HOMER3: variants seen among roughly 807,000 people sequenced by gnomAD.
The protein encoded by HOMER3 is homer scaffold protein 3.
A neutral mutation model predicts 45.5 loss-of-function variants in HOMER3; 34 were observed. The ratio of observed to expected loss-of-function variants is 0.75; its 90% CI spans 0.57 to 1.00. The LOEUF (loss-of-function observed/expected upper bound fraction) is 1.00. HOMER3 is among the 50% of genes least tolerant of loss of function. The pLI is 0.00. For synonymous variants in HOMER3, 223 were observed against 208.8 expected (o/e 1.07, Z -0.58); for missense variants, 480 against 497.5 (o/e 0.96, Z 0.33).
rs773332255 is a variant in HOMER3 at position 18,934,423 on chromosome 19, G to T, written c.304-13C>A. 7.8e-6 allele frequency: 12 copies of T among 1,542,542 alleles called. No homozygotes were observed. The South Asian group carries it at 1.2e-4, about 16-fold the overall frequency. On this transcript the variant is annotated splice_polypyrimidine_tract_variant and intron_variant, in intron 4 of 9. Transcript: ENST00000392351. ...ACTTCTCGGCAAACTAAGGGAGTGG[G>T]GAGGAAAAGACAGTAAAACCCCAGC...
At position 18,931,993 on chromosome 19, in the gene HOMER3, C is replaced by G; in HGVS notation, c.673G>C (p.Glu225Gln). 13 of 1,541,552 alleles carry G rather than the reference C, an allele frequency of 8.4e-6. No homozygotes were observed. The highest frequency in any genetic ancestry group is 1.1e-5 in the Non-Finnish European group (13 of 1,143,744). The change falls in exon 7 of 10, where the codon GAG becomes CAG. Residue 225 changes from glutamate to glutamine, a missense_variant. By Grantham distance (29) the Glu-to-Gln change is conservative. Transcript: ENST00000392351. The stretch of plus-strand genomic sequence containing the variant: ...GCCCTCACCCGCTGCCGCAGCCGCT[C>G]GGCCTCTGCACGCTGAGCCTCCAGC... ...QQLEAQRAEA[E>Q]RLRQRVAELE... is the part of the protein sequence containing the mutation.
At chr19:18,940,839 GAA>G (rs1025176636) in intron 1 of HOMER3, 4 of 146,984 alleles carry the variant, frequency 2.7e-5, no homozygotes, top group Non-Finnish European at 6.0e-5. Flanking sequence ...GCCGGGTCCA[GAA>G]CTTTGGGAAC....
chr19:18,932,885 A>AACCCCCCCCCCCC, intron 6 of HOMER3, 39 bp downstream of exon 6: 8 of 687,528 alleles, frequency 1.2e-5, no homozygotes, highest in Admixed American at 4.6e-5. Context: ...CCCCACCCCT[A>AACCCCCCCCCCCC]CCCCCGCCCC....
rs2057123625 is a variant in HOMER3 at position 18,938,830 on chromosome 19, G to A, written c.69C>T (p.Thr23=). ...RAHVFQIDPA[T]KRNWIPAGKH... is the part of the protein sequence containing the mutation. ...TGCCCGCTGGGATCCAGTTTCGCTT[G>A]GTGGCTGGGTCAATTTGGAACACGT... is the stretch of plus-strand genomic sequence containing the variant. The change falls in exon 3 of 10, where the codon ACC becomes ACT. Residue 23 remains threonine (T), a synonymous_variant. Transcript: ENST00000392351. 2.5e-6 allele frequency: 4 copies of A among 1,601,434 alleles called. No individual in the cohort carries two copies. The highest frequency in any genetic ancestry group is 3.4e-6 in the Non-Finnish European group (4 of 1,174,266).
rs1254560477 is a variant in HOMER3 at position 18,933,025 on chromosome 19, G to A, written c.432C>T (p.Val144=). The A allele has an allele frequency of 1.3e-6, 2 of 1,490,728 alleles. No individual in the cohort carries two copies. Among genetic ancestry groups the A allele is most frequent in the Non-Finnish European group, 1.8e-6 (2 of 1,125,336 alleles). 92.3% of individuals were successfully genotyped at this position (1,490,728 alleles called of 1,614,324 possible). A position where few individuals can be genotyped will look rare whatever the true frequency, so the allele number is the denominator to read the frequency against. The change falls in exon 6 of 10, where the codon GTC becomes GTT. Residue 144 remains valine, a synonymous_variant. Transcript: ENST00000392351. ...TTTCCTCGCCGGGGCCGTTGGCACTGACGAGAGGGCTCGGGGGCACCTAGG... is the reference window on the plus strand; with the variant it reads ...TTTCCTCGCCGGGGCCGTTGGCACTAACGAGAGGGCTCGGGGGCACCTAGG... ...ASHQVPPSPL[V]SANGPGEEKL...
rs780447140 is a variant in HOMER3, at chr19:18,934,405, G to A, written c.309C>T (p.Ala103=). The stretch of plus-strand genomic sequence containing the variant: ...CTTCCTTCACTTCCTGGAACTTCTC[G>A]GCAAACTAAGGGAGTGGGGAGGAAA... ...FASEQHLTQF[A]EKFQEVKEAA... The change falls in exon 5 of 10, where the codon GCC becomes GCT. Residue 103 remains alanine (A), a synonymous_variant. Transcript: ENST00000392351. The A allele has an allele frequency of 2.0e-5, 31 of 1,582,072 alleles. No homozygotes were observed. In the East Asian group the frequency reaches 2.1e-4, roughly 11 times the overall value.
At position 18,938,951 on chromosome 19, in the gene HOMER3, G is replaced by A. The variant is rs557445776; in HGVS notation, c.14+18C>T. 1 of 1,606,210 alleles carries A rather than the reference G, an allele frequency of 6.2e-7. No homozygotes were observed. The highest frequency in any genetic ancestry group is 1.7e-5 in the Admixed American group (1 of 59,260). ...ACTTAGAAAGCTCAGGGCCAGGCTGGGGGAGGTGGGAGCTCACCTGGCTGT... is the reference window on the plus strand; with the variant it reads ...ACTTAGAAAGCTCAGGGCCAGGCTGAGGGAGGTGGGAGCTCACCTGGCTGT... On this transcript the variant is annotated intron_variant, in intron 2 of 9. Coordinates refer to ENST00000392351, the MANE Select transcript of HOMER3 (RefSeq NM_004838.4).
Position 18,929,554 on chromosome 19 carries a change from C to T in HOMER3, c.975G>A (p.Arg325=), listed in dbSNP as rs1481880161. 3.2e-6 allele frequency: 5 copies of T among 1,552,178 alleles called. No homozygotes were observed. The highest frequency in any genetic ancestry group is 1.4e-5 in the African/African-American group (1 of 73,442). ...GGCCCACCTCAGCCCGCGCCCGCTCCCGCTCTGCCCGTGCCTCCTCCAGGC... is the reference window on the plus strand; with the variant it reads ...GGCCCACCTCAGCCCGCGCCCGCTCTCGCTCTGCCCGTGCCTCCTCCAGGC... ...ERSLEEARAE[R]ERARAEVGRA... Residue 325 remains arginine (R), a synonymous_variant, in exon 10 of 10, where the codon CGG becomes CGA. Transcript: ENST00000392351.
chr19:18,932,123 GC>G lies in HOMER3; in HGVS notation c.542del (p.Gly181AlafsTer62). On this transcript the variant is annotated frameshift_variant, in exon 7 of 10. Transcript: ENST00000392351. LOFTEE classifies it high-confidence loss of function. ...AAAACTCGGCCTCCCACTGTACCTC[GC>G]CCACGGAGCTGCAGAGACACGAGGG... ...LKKMLSEGSV[G>X]EVQWEAEFFA... 1 of 1,469,830 alleles carries G rather than the reference GC, an allele frequency of 6.8e-7. No individual in the cohort carries two copies. Among genetic ancestry groups the G allele is most frequent in the South Asian group, 1.2e-5 (1 of 83,738 alleles). The allele number at this position is 1,469,830 out of a possible 1,614,324, so 91.0% of individuals were successfully genotyped here.
At position 18,932,092 on chromosome 19, in the gene HOMER3, G is replaced by T; in HGVS notation, c.574C>A (p.Leu192Met). 1 of 1,571,466 alleles carries T rather than the reference G, an allele frequency of 6.4e-7. No homozygotes were observed. Among genetic ancestry groups the T allele is most frequent in the Non-Finnish European group, 8.6e-7 (1 of 1,160,464 alleles). The change falls in exon 7 of 10, where the codon CTG becomes ATG. Residue 192 changes from leucine to methionine, a missense_variant. Physicochemically the swap from Leu to Met is conservative, Grantham distance 15 (BLOSUM62 2). Coordinates refer to ENST00000392351, the MANE Select transcript of HOMER3 (RefSeq NM_004838.4). ...EVQWEAEFFA[L>M]QDSNNKLAGA... is the part of the protein sequence containing the mutation. ...GCCAGCTTGTTGTTGCTGTCCTGCAGTGCGAAAAACTCGGCCTCCCACTGT... is the reference window on the plus strand; with the variant it reads ...GCCAGCTTGTTGTTGCTGTCCTGCATTGCGAAAAACTCGGCCTCCCACTGT...
At position 18,932,914 on chromosome 19, in the gene HOMER3, C is replaced by T; in HGVS notation, c.533+10G>A. ...CCGCCCCTGCCACGCCCCCAAGTCC[C>T]GCCCCTCACCCCTCAGACAACATCT... On this transcript the variant is annotated intron_variant, in intron 6 of 9. Coordinates refer to ENST00000392351, the MANE Select transcript of HOMER3 (RefSeq NM_004838.4). 1 of 1,378,826 alleles carries T rather than the reference C, an allele frequency of 7.3e-7. No individual in the cohort carries two copies. The highest frequency in any genetic ancestry group is 9.4e-7 in the Non-Finnish European group (1 of 1,059,330). 85.4% of individuals were successfully genotyped at this position (1,378,826 alleles called of 1,614,324 possible).
Position 18,938,889 on chromosome 19 carries a change from G to C in HOMER3, c.15-5C>G, listed in dbSNP as rs774707487. 10 of 1,604,876 alleles carry C rather than the reference G, an allele frequency of 6.2e-6. No individual in the cohort carries two copies. In the Admixed American group the frequency reaches 1.7e-4, roughly 27 times the overall value. On this transcript the variant is annotated splice_polypyrimidine_tract_variant and splice_region_variant and intron_variant, in intron 2 of 9. Coordinates refer to ENST00000392351, the MANE Select transcript of HOMER3 (RefSeq NM_004838.4). ...GTGCTGAAGATTGGCTGCTCCCTGCGTGGGGAGAGGGTGTTTGGTGGGGGC... is the reference window on the plus strand; with the variant it reads ...GTGCTGAAGATTGGCTGCTCCCTGCCTGGGGAGAGGGTGTTTGGTGGGGGC...
intron 1 of HOMER3, chr19:18,939,912 GACAA>G (rs1373069744): frequency 6.6e-6 from 1 of 152,666 alleles, no homozygotes; most frequent in African/African-American, 2.4e-5. Context: ...ACAAGATGTA[GACAA>G]ACAGCCAATC....
chr19:18,938,704 G>GCCCCCCCCCCC, intron 3 of HOMER3, 24 bp downstream of exon 3: 2 of 1,561,844 alleles, frequency 1.3e-6, no homozygotes, highest in Non-Finnish European at 1.7e-6. Context: ...TGGTGCCTCT[G>GCCCCCCCCCCC]CCCCACCCAG....
At chr19:18,932,246 C>G in intron 6 of HOMER3, 114 bp from the exon 7 acceptor site, 11 of 1,022,588 alleles carry the variant, frequency 1.1e-5, no homozygotes, top group Non-Finnish European at 1.4e-5. Context: ...TAGGTCAGGG[C>G]GAAGGCTGGC....
chr19:18,931,272 T>C, intron 9 of HOMER3, 53 bp downstream of exon 9: 1 of 1,440,088 alleles, frequency 6.9e-7, no homozygotes. Context: ...CCTGAGTGTC[T>C]GTTGAGGTGA....
At position 18,931,617 on chromosome 19, in the gene HOMER3, C is replaced by T; in HGVS notation, c.699G>A (p.Glu233=). ...CCTCTGAAGCTGCCTGAGCCTCCAG[C>T]TCAGCCACCTGTAGGGCAGGAATAG... ...EAERLRQRVA[E]LEAQAASEVT... The change falls in exon 8 of 10, where the codon GAG becomes GAA. Residue 233 remains glutamate (E), a synonymous_variant. Coordinates refer to ENST00000392351, the MANE Select transcript of HOMER3 (RefSeq NM_004838.4). 1 of 1,607,162 alleles carries T rather than the reference C, an allele frequency of 6.2e-7. No homozygotes were observed. Among genetic ancestry groups the T allele is most frequent in the Non-Finnish European group, 8.5e-7 (1 of 1,177,008 alleles).
chr19:18,934,333 G>C lies in HOMER3; in HGVS notation c.381C>G (p.Thr127=). The C allele has an allele frequency of 6.3e-7, 1 of 1,582,946 alleles. No homozygotes were observed. The highest frequency in any genetic ancestry group is 8.6e-7 in the Non-Finnish European group (1 of 1,164,922). ...REKSQDGGEL[T]SPALGLASHQ... ...GGGAGGCGAGCCCCAGGGCTGGACT[G>C]GTGAGCTCCCCGCCATCCTGAGATT... Residue 127 remains threonine (T), a synonymous_variant, in exon 5 of 10, where the codon ACC becomes ACG. Transcript: ENST00000392351.
intron 3 of HOMER3, 94 bp from the exon 4 acceptor site, chr19:18,938,578 C>T: frequency 6.6e-7 from 1 of 1,522,162 alleles, no homozygotes; most frequent in Non-Finnish European, 9.0e-7. Flanking sequence ...TCTTGAAGGT[C>T]TTTACTCTGA....
Sources: gnomAD v4.1 joint callset for allele counts on GRCh38, gnomAD v4.1.1 for gene constraint, MANE v1.5 for transcripts, NCBI Gene and HGNC (gene_info 2026-07-23, HGNC 2026-07-21) for gene names.